NDUFA12: variants seen among roughly 807,000 people sequenced by gnomAD.
The protein encoded by NDUFA12 is NADH:ubiquinone oxidoreductase subunit A12, also known as NADH dehydrogenase [ubiquinone] 1 alpha subcomplex subunit 12.
A neutral mutation model predicts 20.3 loss-of-function variants in NDUFA12; 17 were observed. The observed-to-expected ratio is 0.84, with a 90% CI of 0.57 to 1.26. NDUFA12 has a LOEUF of 1.26. Among genes scored for constraint, NDUFA12 ranks in the 50% most tolerant of loss-of-function variants. NDUFA12 has a pLI of 0.00. For missense variants in NDUFA12, 191 were observed against 183.7 expected, an observed-to-expected ratio of 1.04 and a Z score of -0.23; for synonymous variants, 72 against 63.6, an observed-to-expected ratio of 1.13 and a Z score of -0.63.
At chr12:94,986,526 A>G (rs1874450330) in intron 3 of NDUFA12, among the ~76,000 whole-genome samples, 1 of 152,226 alleles carries the variant, frequency 6.6e-6, no homozygotes, top group Non-Finnish European at 1.5e-5. Context: ...TCCACAATGT[A>G]AACATGTATC....
intron 3 of NDUFA12, among the ~76,000 whole-genome samples, chr12:94,974,646 T>TG (rs1370086139): frequency 6.6e-6 from 1 of 152,096 alleles, no homozygotes; most frequent in Non-Finnish European, 1.5e-5. Context: ...TTAAATACAA[T>TG]GGGGTACTAT....
intron 3 of NDUFA12, among the ~76,000 whole-genome samples, chr12:94,981,888 T>C (rs1207811945): frequency 6.6e-6 from 1 of 152,224 alleles, no homozygotes; most frequent in Admixed American, 6.5e-5. Flanking sequence ...CTGGTGGACT[T>C]AGCAGCCTTT....
At chr12:94,993,423 A>G (rs1473710007) in intron 3 of NDUFA12, among the ~76,000 whole-genome samples, 17 of 144,548 alleles carry the variant, frequency 1.2e-4, no homozygotes, top group South Asian at 2.3e-4. Flanking sequence ...TCAGGAGTTC[A>G]AGACCAGCCT....
At chr12:94,979,727 C>T (rs1874176979) in intron 3 of NDUFA12, among the ~76,000 whole-genome samples, 1 of 151,448 alleles carries the variant, frequency 6.6e-6, no homozygotes. Context: ...CCCAGCTACC[C>T]AGGTGGCAGA....
At chr12:94,996,095 C>T (rs1203546226) in intron 2 of NDUFA12, among the ~76,000 whole-genome samples, 2 of 151,576 alleles carry the variant, frequency 1.3e-5, no homozygotes, top group Non-Finnish European at 2.9e-5. Flanking sequence ...GTAGTCCCAG[C>T]TACTCTCAAG....
intron 3 of NDUFA12, among the ~76,000 whole-genome samples, chr12:94,990,425 G>C (rs1463574055): frequency 6.6e-6 from 1 of 152,078 alleles, no homozygotes; most frequent in East Asian, 1.9e-4. Flanking sequence ...AAGAACCAAA[G>C]AGCTTTTTTT....
intron 3 of NDUFA12, among the ~76,000 whole-genome samples, chr12:94,989,629 G>A (rs1644476219): frequency 6.6e-6 from 1 of 152,304 alleles, no homozygotes; most frequent in Middle Eastern, 3.4e-3. Context: ...ACCTTAGGAG[G>A]CTCCTCTCCA....
intron 3 of NDUFA12, among the ~76,000 whole-genome samples, chr12:94,975,736 T>C (rs1874044990): frequency 6.6e-6 from 1 of 152,188 alleles, no homozygotes; most frequent in Admixed American, 6.5e-5. Flanking sequence ...GACTAAGGCA[T>C]TATTAACATT....
chr12:94,983,638 C>T (rs1874314613), intron 3 of NDUFA12, among the ~76,000 whole-genome samples: 1 of 152,218 alleles, frequency 6.6e-6, no homozygotes, highest in African/African-American at 2.4e-5. Context: ...ATAACATTTA[C>T]TGTCTTAAGC....
At chr12:94,977,935 C>A (rs984066767) in intron 3 of NDUFA12, among the ~76,000 whole-genome samples, 1 of 152,076 alleles carries the variant, frequency 6.6e-6, no homozygotes, top group African/African-American at 2.4e-5. Context: ...TGAAGAGCCA[C>A]CAGATGGGCA....
chr12:94,978,254 C>T (rs897107020), intron 3 of NDUFA12, among the ~76,000 whole-genome samples: 9 of 152,158 alleles, frequency 5.9e-5, no homozygotes, highest in African/African-American at 1.4e-4. Context: ...ATGTTGGGAA[C>T]GCTAGTGCAC....
chr12:94,989,007 T>A (rs1050310590), intron 3 of NDUFA12, among the ~76,000 whole-genome samples: 2 of 152,184 alleles, frequency 1.3e-5, no homozygotes, highest in African/African-American at 2.4e-5. Flanking sequence ...AAACTGGCCA[T>A]ACTGCTGTTC....
chr12:94,988,347 CTAAAG>C lies in NDUFA12; in HGVS notation c.257+5818_257+5822del, dbSNP rs140497982. 1.1e-3 allele frequency among the ~76,000 whole-genome samples: 162 copies of C among 152,248 alleles called. 4 individuals carry two copies. The East Asian group carries it at 0.026, about 24-fold the overall frequency. ...TGTTCTTGTTTGCAAGACGTACACA[CTAAAG>C]TATTCAGGAGTGATGGGGCATCAAT... On this transcript the variant is annotated intron_variant, in intron 3 of 3. Coordinates refer to ENST00000327772, the MANE Select transcript of NDUFA12 (RefSeq NM_018838.5).
intron 3 of NDUFA12, among the ~76,000 whole-genome samples, chr12:94,981,567 A>T (rs1343255138): frequency 6.6e-6 from 1 of 152,242 alleles, no homozygotes; most frequent in Non-Finnish European, 1.5e-5. Flanking sequence ...CCCATAAGAG[A>T]ATAAAACATA....
chr12:94,984,115 T>C (rs953435899), intron 3 of NDUFA12, among the ~76,000 whole-genome samples: 1 of 152,008 alleles, frequency 6.6e-6, no homozygotes, highest in Non-Finnish European at 1.5e-5. Flanking sequence ...CAAATAACTA[T>C]ATTAAGAAGA....
At chr12:95,002,462 A>AAAAAAG (rs1565821054) in intron 2 of NDUFA12, among the ~76,000 whole-genome samples, 1 of 132,798 alleles carries the variant, frequency 7.5e-6, no homozygotes, top group African/African-American at 2.8e-5. Context: ...AAAAAAAAAA[A>AAAAAAG]AAGAACAAAA....
At chr12:94,996,197 C>A (rs1157428870) in intron 2 of NDUFA12, among the ~76,000 whole-genome samples, 3 of 151,824 alleles carry the variant, frequency 2.0e-5, no homozygotes, top group Admixed American at 6.6e-5. Context: ...AACAGAGAGA[C>A]CCTGTCTCGA....
chr12:94,988,417 G>C (rs1874525689), intron 3 of NDUFA12, among the ~76,000 whole-genome samples: 1 of 152,152 alleles, frequency 6.6e-6, no homozygotes, highest in African/African-American at 2.4e-5. Flanking sequence ...TAATGATTCT[G>C]AAAGTTCGGG....
At chr12:94,981,269 A>AATACATAC (rs10685216) in intron 3 of NDUFA12, among the ~76,000 whole-genome samples, 52,399 of 148,856 alleles carry the variant, frequency 0.35, 9,402 homozygotes, top group African/African-American at 0.42. Flanking sequence ...GTCTCTACTA[A>AATACATAC]ATACATACAT....
Sources: gnomAD v4.1 joint callset for allele counts (sites outside exome capture counted in the v4.1 genomes callset) on GRCh38, gnomAD v4.1.1 for gene constraint, MANE v1.5 for transcripts, NCBI Gene and HGNC (gene_info 2026-07-23, HGNC 2026-07-21) for gene names.